KCND2: variants seen among roughly 807,000 people sequenced by gnomAD.
The protein encoded by KCND2 is A-type voltage-gated potassium channel KCND2.
A neutral mutation model predicts 54.4 loss-of-function variants in KCND2; 16 were observed. The observed-to-expected ratio is 0.29, with a 90% CI of 0.20 to 0.45. The LOEUF (loss-of-function observed/expected upper bound fraction) is 0.45, where lower values mean the gene tolerates loss of function less well. KCND2 is among the 20% of genes least tolerant of loss of function. The pLI, the probability that KCND2 is intolerant of heterozygous loss-of-function variation, is 1.00. For missense variants in KCND2, 486 were observed against 824.2 expected (o/e 0.59, Z 5.02); for synonymous variants, 317 against 310.7 (o/e 1.02, Z -0.21).
Position 120,360,754 on chromosome 7 carries a change from C to T in KCND2, c.1115+85007C>T, listed in dbSNP as rs1401692617. Among the ~76,000 whole-genome samples, 3 of 152,004 alleles carry T rather than the reference C, an allele frequency of 2.0e-5. 1 individual carries two copies. On this transcript the variant is annotated intron_variant, in intron 1 of 5. Coordinates refer to ENST00000331113, the MANE Select transcript of KCND2 (RefSeq NM_012281.3). ...CTTCTTAATCTTGACGCCAGTGTTA[C>T]ATACTTTTCAATTTAAACACACCAA...
chr7:120,313,357 CAATT>C (rs1174284875), intron 1 of KCND2, among the ~76,000 whole-genome samples: 1 of 151,838 alleles, frequency 6.6e-6, no homozygotes, highest in East Asian at 1.9e-4. Context: ...GTATGCATGA[CAATT>C]AAATAGATAA....
In KCND2 at chr7:120,610,784, C is replaced by A. The variant is rs79753396; in HGVS notation, c.1116-122119C>A. The stretch of plus-strand genomic sequence containing the variant: ...CTACATTCTCTCTTTTTAAAAAGTG[C>A]ATACCTTCACACTGATGGAGAACAT... On this transcript the variant is annotated intron_variant, in intron 1 of 5. Transcript: ENST00000331113. Among the ~76,000 whole-genome samples the A allele has an allele frequency of 6.2e-3, 940 of 152,280 alleles. 10 individuals carry two copies. The highest frequency in any genetic ancestry group is 0.021 in the African/African-American group (871 of 41,568).
intron 1 of KCND2, among the ~76,000 whole-genome samples, chr7:120,444,294 C>G (rs1028623206): frequency 1.3e-5 from 2 of 152,064 alleles, no homozygotes; most frequent in Non-Finnish European, 2.9e-5. Flanking sequence ...TTCCTCCCAC[C>G]AGAGGGAAAG....
At chr7:120,467,788 A>G (rs1005082843) in intron 1 of KCND2, among the ~76,000 whole-genome samples, 1 of 152,148 alleles carries the variant, frequency 6.6e-6, no homozygotes, top group African/African-American at 2.4e-5. Flanking sequence ...GACACAGGAA[A>G]GAAAACAATT....
intron 1 of KCND2, among the ~76,000 whole-genome samples, chr7:120,546,478 T>C (rs1169723722): frequency 6.6e-6 from 1 of 151,954 alleles, no homozygotes; most frequent in East Asian, 1.9e-4. Context: ...ATTTGTATTT[T>C]TGAAATTAGA....
At chr7:120,280,220 T>A (rs1220687688) in intron 1 of KCND2, among the ~76,000 whole-genome samples, 1 of 152,088 alleles carries the variant, frequency 6.6e-6, no homozygotes, top group East Asian at 1.9e-4. Flanking sequence ...TAAAGAAATG[T>A]AGAGAAATGT....
At chr7:120,739,381 GT>G (rs1792912246) in intron 2 of KCND2, among the ~76,000 whole-genome samples, 1 of 151,926 alleles carries the variant, frequency 6.6e-6, no homozygotes, top group South Asian at 2.1e-4. Context: ...CTAATTCTGA[GT>G]TGTTTCCAAA....
rs568625471 is a variant in KCND2, at chr7:120,456,764, C to T, written c.1115+181017C>T. On this transcript the variant is annotated intron_variant, in intron 1 of 5. Transcript: ENST00000331113. Reference sequence around the variant, plus strand: ...GTCACTGGATCTACCATTCTAGGGTCTGTAGGACTGTGACCCTCTTCTCAC... The same window carrying T: ...GTCACTGGATCTACCATTCTAGGGTTTGTAGGACTGTGACCCTCTTCTCAC... 7.9e-5 allele frequency among the ~76,000 whole-genome samples: 12 copies of T among 152,306 alleles called. No homozygotes were observed. The South Asian group carries it at 2.5e-3, about 32-fold the overall frequency.
At chr7:120,425,545 A>G (rs1450573464) in intron 1 of KCND2, among the ~76,000 whole-genome samples, 1 of 152,184 alleles carries the variant, frequency 6.6e-6, no homozygotes, top group African/African-American at 2.4e-5. Context: ...TCCAGCTACT[A>G]TTACTAAGTA....
intron 1 of KCND2, among the ~76,000 whole-genome samples, chr7:120,564,857 A>T (rs1196778524): frequency 6.6e-6 from 1 of 152,122 alleles, no homozygotes; most frequent in African/African-American, 2.4e-5. Flanking sequence ...ACCTCAAATG[A>T]TTCTGGTATA....
chr7:120,525,787 C>T (rs972619446), intron 1 of KCND2, among the ~76,000 whole-genome samples: 2 of 152,086 alleles, frequency 1.3e-5, no homozygotes, highest in Admixed American at 1.3e-4. Flanking sequence ...TAATAAATGC[C>T]CAGTTGACCC....
intron 1 of KCND2, among the ~76,000 whole-genome samples, chr7:120,651,995 A>T (rs1268952321): frequency 6.6e-6 from 1 of 152,102 alleles, no homozygotes; most frequent in East Asian, 1.9e-4. Flanking sequence ...TGTTAATTTT[A>T]TTGTAAGGCA....
At chr7:120,561,788 A>G (rs1225873104) in intron 1 of KCND2, among the ~76,000 whole-genome samples, 3 of 151,490 alleles carry the variant, frequency 2.0e-5, no homozygotes, top group African/African-American at 7.3e-5. Context: ...ATTTTTTTGT[A>G]TTTAGTAGAG....
intron 1 of KCND2, among the ~76,000 whole-genome samples, chr7:120,682,490 A>G (rs954267002): frequency 5.3e-5 from 8 of 152,092 alleles, no homozygotes; most frequent in Admixed American, 6.6e-5. Context: ...AGACAAAAAT[A>G]CATATTCAAA....
intron 1 of KCND2, among the ~76,000 whole-genome samples, chr7:120,725,485 A>G (rs1434794277): frequency 6.6e-6 from 1 of 152,190 alleles, no homozygotes; most frequent in African/African-American, 2.4e-5. Flanking sequence ...AGATGCCCAA[A>G]ATACAGCCTA....
intron 1 of KCND2, among the ~76,000 whole-genome samples, chr7:120,453,138 T>C (rs1354858490): frequency 6.6e-6 from 1 of 152,108 alleles, no homozygotes; most frequent in Non-Finnish European, 1.5e-5. Flanking sequence ...CAGCACACAC[T>C]CATCCAAAGC....
intron 1 of KCND2, among the ~76,000 whole-genome samples, chr7:120,680,276 C>T (rs933937572): frequency 6.6e-6 from 1 of 152,082 alleles, no homozygotes; most frequent in Admixed American, 6.6e-5. Flanking sequence ...ATTCTCTTCA[C>T]TTTCTCTCCA....
At chr7:120,454,071 G>A (rs1260120244) in intron 1 of KCND2, among the ~76,000 whole-genome samples, 5 of 152,292 alleles carry the variant, frequency 3.3e-5, no homozygotes, top group South Asian at 4.1e-4. Context: ...GTGACAGAGC[G>A]AGACTCCGTC....
Position 120,456,566 on chromosome 7 carries a change from T to C in KCND2, c.1115+180819T>C, listed in dbSNP as rs1584786642. On this transcript the variant is annotated intron_variant, in intron 1 of 5. Transcript: ENST00000331113. ...ACATCACAATAATAATGCAATTTCA[T>C]TACTATACTGATTATTATACTAGCT... Among the ~76,000 whole-genome samples, 8 of 152,350 alleles carry C rather than the reference T, an allele frequency of 5.3e-5. No individual in the cohort carries two copies. The South Asian group carries it at 1.7e-3, about 32-fold the overall frequency.
Sources: gnomAD v4.1 joint callset for allele counts (sites outside exome capture counted in the v4.1 genomes callset) on GRCh38, gnomAD v4.1.1 for gene constraint, MANE v1.5 for transcripts, NCBI Gene and HGNC (gene_info 2026-07-23, HGNC 2026-07-21) for gene names.